CACNA1E: variants seen among roughly 807,000 people sequenced by gnomAD.
The protein encoded by CACNA1E is voltage-dependent R-type calcium channel subunit alpha-1E.
CACNA1E carries 40 observed loss-of-function variants against 259.2 expected under a neutral mutation model. The observed-to-expected ratio is 0.15, with a 90% CI of 0.12 to 0.20. The LOEUF is 0.20. Among genes scored for constraint, CACNA1E ranks in the 10% least tolerant of loss-of-function variants. The pLI, the probability that CACNA1E is intolerant of heterozygous loss-of-function variation, is 1.00. For synonymous variants in CACNA1E, 1,104 were observed against 1,138.5 expected, an observed-to-expected ratio of 0.97 and a Z score of 0.61; for missense variants, 1,874 against 3,040.1, an observed-to-expected ratio of 0.62 and a Z score of 9.02.
intron 2 of CACNA1E, among the ~76,000 whole-genome samples, chr1:181,476,238 A>T (rs1307338183): frequency 6.6e-6 from 1 of 152,218 alleles, no homozygotes; most frequent in East Asian, 1.9e-4. Flanking sequence ...TATATATTTC[A>T]AAACTGGCCT....
intron 1 of CACNA1E, among the ~76,000 whole-genome samples, chr1:181,496,143 A>G (rs967678610): frequency 1.3e-5 from 2 of 152,222 alleles, no homozygotes; most frequent in African/African-American, 2.4e-5. Context: ...ATAAAATTTA[A>G]AATATCTACA....
At chr1:181,460,541 G>T (rs1016940327) in intron 2 of CACNA1E, among the ~76,000 whole-genome samples, 1 of 152,216 alleles carries the variant, frequency 6.6e-6, no homozygotes, top group Admixed American at 6.5e-5. Context: ...ATCACCTGTT[G>T]AACATAGAGA....
At chr1:181,606,056 T>C (rs1463508701) in intron 6 of CACNA1E, among the ~76,000 whole-genome samples, 1 of 152,168 alleles carries the variant, frequency 6.6e-6, no homozygotes, top group Non-Finnish European at 1.5e-5. Flanking sequence ...TCCATCCGTC[T>C]TTCTGGTTGC....
chr1:181,793,333 G>A (rs1328707755), intron 44 of CACNA1E, among the ~76,000 whole-genome samples: 1 of 152,206 alleles, frequency 6.6e-6, no homozygotes, highest in Non-Finnish European at 1.5e-5. Flanking sequence ...TTCTTAGAAA[G>A]CGAACTTCAC....
chr1:181,716,137 G>A lies in CACNA1E; in HGVS notation c.1315+8G>A. On this transcript the variant is annotated splice_region_variant and intron_variant, in intron 10 of 47. Transcript: ENST00000367573. ...TTGATATCTCCTCTGTGGGTGAGTG[G>A]ATCCAGTTAGATCTTTTACTGCTCT... 1 of 1,508,688 alleles carries A rather than the reference G, an allele frequency of 6.6e-7. No individual in the cohort carries two copies. Among genetic ancestry groups the A allele is most frequent in the Non-Finnish European group, 9.0e-7 (1 of 1,105,762 alleles). The allele number at this position is 1,508,688 out of a possible 1,614,324, so 93.5% of individuals were successfully genotyped here.
At chr1:181,492,232 G>T (rs1209293418) in intron 1 of CACNA1E, among the ~76,000 whole-genome samples, 1 of 152,178 alleles carries the variant, frequency 6.6e-6, no homozygotes, top group Non-Finnish European at 1.5e-5. Flanking sequence ...ATTGAGATTT[G>T]TAATGGTGAC....
At chr1:181,347,520 C>T (rs1318699715) in intron 1 of CACNA1E, among the ~76,000 whole-genome samples, 1 of 152,170 alleles carries the variant, frequency 6.6e-6, no homozygotes, top group Non-Finnish European at 1.5e-5. Flanking sequence ...CATCAGGGCC[C>T]CCTCCCTCCA....
At chr1:181,642,752 A>G (rs1657914031) in intron 6 of CACNA1E, among the ~76,000 whole-genome samples, 1 of 152,166 alleles carries the variant, frequency 6.6e-6, no homozygotes, top group Non-Finnish European at 1.5e-5. Context: ...AGATCAACAC[A>G]CTGGCCTTTT....
At chr1:181,797,088 G>A (rs1162627852) in intron 47 of CACNA1E, among the ~76,000 whole-genome samples, 5 of 152,226 alleles carry the variant, frequency 3.3e-5, no homozygotes, top group Admixed American at 2.0e-4. Context: ...ATGGTGTCTA[G>A]AGGTCATTCC....
At chr1:181,559,757 C>G (rs1649121337) in intron 3 of CACNA1E, among the ~76,000 whole-genome samples, 1 of 152,112 alleles carries the variant, frequency 6.6e-6, no homozygotes, top group Non-Finnish European at 1.5e-5. Context: ...AAATGTGCAC[C>G]AGCTTCAGAA....
At chr1:181,591,459 A>G (rs971521884) in intron 6 of CACNA1E, among the ~76,000 whole-genome samples, 11 of 152,218 alleles carry the variant, frequency 7.2e-5, no homozygotes, top group African/African-American at 2.7e-4. Context: ...AAGCTGATTC[A>G]AGACTGCAAT....
At chr1:181,431,913 C>T (rs1328278490) in intron 2 of CACNA1E, among the ~76,000 whole-genome samples, 4 of 152,134 alleles carry the variant, frequency 2.6e-5, no homozygotes, top group Non-Finnish European at 4.4e-5. Context: ...TTTCTCATTA[C>T]AGCAAGTCAG....
chr1:181,774,852 T>A (rs771025471), intron 37 of CACNA1E, among the ~76,000 whole-genome samples: 3 of 152,188 alleles, frequency 2.0e-5, no homozygotes, highest in Admixed American at 6.5e-5. Flanking sequence ...TTGTTATCTA[T>A]CAGGCAGGAC....
At chr1:181,594,633 A>G (rs1376580166) in intron 6 of CACNA1E, among the ~76,000 whole-genome samples, 5 of 152,172 alleles carry the variant, frequency 3.3e-5, no homozygotes, top group Non-Finnish European at 7.3e-5. Flanking sequence ...CCTGACTGCA[A>G]GTGATCCACC....
intron 1 of CACNA1E, among the ~76,000 whole-genome samples, chr1:181,351,498 A>G (rs182495021): frequency 2.0e-5 from 3 of 152,222 alleles, no homozygotes; most frequent in Non-Finnish European, 4.4e-5. Flanking sequence ...CTAACAAATT[A>G]CTACAAACTT....
chr1:181,697,540 C>T (rs891097108), intron 7 of CACNA1E, among the ~76,000 whole-genome samples: 1 of 152,160 alleles, frequency 6.6e-6, no homozygotes, highest in Non-Finnish European at 1.5e-5. Flanking sequence ...TGGTTTTGCT[C>T]CAGACAGTGC....
chr1:181,547,648 G>A (rs560955677), intron 3 of CACNA1E, among the ~76,000 whole-genome samples: 2 of 152,222 alleles, frequency 1.3e-5, no homozygotes, highest in East Asian at 1.9e-4. Context: ...AAGCATTCTC[G>A]CCCACAGCTG....
chr1:181,439,615 A>T (rs952189870), intron 2 of CACNA1E, among the ~76,000 whole-genome samples: 2 of 152,184 alleles, frequency 1.3e-5, no homozygotes, highest in Non-Finnish European at 2.9e-5. Flanking sequence ...CTTTAATTGC[A>T]TCACGGTGTT....
At chr1:181,701,346 C>G (rs1011207098) in intron 7 of CACNA1E, among the ~76,000 whole-genome samples, 1 of 152,206 alleles carries the variant, frequency 6.6e-6, no homozygotes, top group African/African-American at 2.4e-5. Context: ...TGTTAGGATG[C>G]TTCTTTCAGA....
Sources: allele counts gnomAD v4.1 joint callset (sites outside exome capture counted in the v4.1 genomes callset), GRCh38; gene constraint gnomAD v4.1.1; transcripts MANE v1.5; gene names NCBI Gene and HGNC (gene_info 2026-07-23, HGNC 2026-07-21).